CD200: variants seen among roughly 807,000 people sequenced by gnomAD.
CD200 encodes OX-2 membrane glycoprotein.
A neutral mutation model predicts 30.9 loss-of-function variants in CD200; 15 were observed. The observed-to-expected ratio is 0.49, with a 90% CI of 0.32 to 0.75. CD200 has a LOEUF of 0.75. Among genes scored for constraint, CD200 ranks in the 30% least tolerant of loss-of-function variants. CD200 has a pLI of 0.03. For missense variants in CD200, 262 were observed against 324.2 expected (o/e 0.81, Z 1.47); for synonymous variants, 134 against 126.2 (o/e 1.06, Z -0.41).
At chr3:112,336,992 A>T (rs10511311) in intron 1 of CD200, among the ~76,000 whole-genome samples, 42,335 of 151,718 alleles carry the variant, frequency 0.28, 6,734 homozygotes, top group Non-Finnish European at 0.37. Flanking sequence ...TAGTGCTATA[A>T]TTTTTTTCAC....
intron 5 of CD200, among the ~76,000 whole-genome samples, chr3:112,356,351 T>C (rs1255033665): frequency 3.4e-5 from 1 of 29,188 alleles, no homozygotes; most frequent in Non-Finnish European, 7.9e-5. Context: ...GAATTTTTGT[T>C]TTTATTTTTT....
intron 2 of CD200, among the ~76,000 whole-genome samples, chr3:112,342,066 C>A (rs72952406): frequency 1.2e-3 from 175 of 151,996 alleles, no homozygotes; most frequent in African/African-American, 4.1e-3. Flanking sequence ...AACATTTTAT[C>A]CAGATTATCA....
At chr3:112,342,329 CTTTCTTTCCTTCTTTCTTTCTTTCT>C (rs2081266833) in intron 2 of CD200, among the ~76,000 whole-genome samples, 2 of 26,462 alleles carry the variant, frequency 7.6e-5, no homozygotes, top group African/African-American at 3.1e-4. Flanking sequence ...TTCTTTCTTT[CTTTCTTTCCTTCTTTCTTTCTTTCT>C]TTCTTTCTTT....
chr3:112,360,955 G>T (rs547530171), intron 5 of CD200, among the ~76,000 whole-genome samples: 1 of 152,160 alleles, frequency 6.6e-6, no homozygotes, highest in African/African-American at 2.4e-5. Context: ...GTAGTCTTAG[G>T]TGATTTTCTA....
chr3:112,343,830 T>G (rs894080013), intron 2 of CD200, among the ~76,000 whole-genome samples: 1 of 152,336 alleles, frequency 6.6e-6, no homozygotes, highest in East Asian at 1.9e-4. Flanking sequence ...ACTTTTTCCC[T>G]TCTTACAGTG....
chr3:112,361,184 A>G (rs553849585), intron 5 of CD200, among the ~76,000 whole-genome samples: 1 of 150,996 alleles, frequency 6.6e-6, no homozygotes, highest in South Asian at 2.1e-4. Flanking sequence ...CTACAGGTGC[A>G]TGCCACCATG....
At chr3:112,334,529 T>G (rs1464643442) in intron 1 of CD200, among the ~76,000 whole-genome samples, 1 of 152,252 alleles carries the variant, frequency 6.6e-6, no homozygotes, top group Non-Finnish European at 1.5e-5. Context: ...TAGTGCTTAT[T>G]TCTACTGGCA....
chr3:112,353,381 A>C (rs938952748), intron 5 of CD200, among the ~76,000 whole-genome samples: 5 of 152,112 alleles, frequency 3.3e-5, no homozygotes, highest in Non-Finnish European at 7.4e-5. Context: ...AATCATGTAA[A>C]ATTTATATGC....
intron 2 of CD200, 56 bp downstream of exon 2, chr3:112,341,039 A>C (rs561280493): frequency 9.0e-7 from 1 of 1,115,624 alleles, no homozygotes; most frequent in African/African-American, 1.5e-5. Flanking sequence ...TCTGGGGTGA[A>C]GACATTTAGC....
chr3:112,355,874 T>C (rs143005072), intron 5 of CD200, among the ~76,000 whole-genome samples: 1 of 150,064 alleles, frequency 6.7e-6, no homozygotes, highest in African/African-American at 2.5e-5. Flanking sequence ...CAGAAAAAAA[T>C]TAAGAAATAA....
At chr3:112,356,302 A>G (rs993782394) in intron 5 of CD200, among the ~76,000 whole-genome samples, 8 of 152,232 alleles carry the variant, frequency 5.3e-5, no homozygotes, top group Admixed American at 3.9e-4. Flanking sequence ...TTATGTACAC[A>G]ATTGTCTTTT....
At chr3:112,345,634 C>G (rs1273569988) in intron 3 of CD200, among the ~76,000 whole-genome samples, 1 of 152,198 alleles carries the variant, frequency 6.6e-6, no homozygotes, top group African/African-American at 2.4e-5. Context: ...ATCCACTCTC[C>G]ACTGGAGTTT....
At position 112,333,223 on chromosome 3, in the gene CD200, T is replaced by C; in HGVS notation, c.11T>C (p.Leu4Pro). Residue 4 changes from leucine (L) to proline (P), a missense_variant and splice_region_variant, in exon 1 of 6, where the codon CTG (leucine) becomes CCG (proline). Transcript: ENST00000315711. MER[L>P]VIRMPFSHLS... is the part of the protein sequence containing the mutation. ...CCTCCAGGAGCAAGGATGGAGAGGCTGGTGAGCGGGGCCGGGGCTTGGGAA... is the reference window on the plus strand; with the variant it reads ...CCTCCAGGAGCAAGGATGGAGAGGCCGGTGAGCGGGGCCGGGGCTTGGGAA... 18 of 1,550,036 alleles carry C rather than the reference T, an allele frequency of 1.2e-5. No individual in the cohort carries two copies. Among genetic ancestry groups the C allele is most frequent in the Non-Finnish European group, 1.6e-5 (18 of 1,146,508 alleles).
At chr3:112,332,912 A>G (rs535993403), upstream of CD200, 322 of 259,380 alleles carry the variant, frequency 1.2e-3, 2 homozygotes, top group East Asian at 0.012. Flanking sequence ...AGGAAAATGG[A>G]AAAAAAAAAA....
intron 1 of CD200, among the ~76,000 whole-genome samples, chr3:112,338,196 G>A (rs2081161723): frequency 6.6e-6 from 1 of 151,990 alleles, no homozygotes; most frequent in Admixed American, 6.6e-5. Flanking sequence ...ACTTCACATG[G>A]GTACCAAGGA....
rs1131199 is a variant in CD200 at position 112,340,921 on chromosome 3, C to G, written c.32C>G (p.Ser11Cys). MERLVIRMPF[S>C]HLSTYSLVWV... ...CTTCAGGTGATCAGGATGCCCTTCT[C>G]TCATCTGTCTACCTACAGCCTGGTT... is the stretch of plus-strand genomic sequence containing the variant. The change falls in exon 2 of 6, where the codon TCT becomes TGT. Residue 11 changes from serine (S) to cysteine (C), a missense_variant. Physicochemically the swap from Ser to Cys is moderately radical, Grantham distance 112. Transcript: ENST00000315711. 0.56 allele frequency: 896,460 copies of G among 1,601,612 alleles called. 255,740 individuals are homozygous for G. Among genetic ancestry groups the G allele is most frequent in the African/African-American group, 0.76 (56,669 of 74,688 alleles).
intron 1 of CD200, 69 bp downstream of exon 1, chr3:112,333,293 G>A: frequency 6.6e-7 from 1 of 1,512,960 alleles, no homozygotes; most frequent in Non-Finnish European, 8.9e-7. Flanking sequence ...CCCTGGGGCG[G>A]GCGGCGAGTG....
chr3:112,360,348 G>A (rs1379066619), intron 5 of CD200, among the ~76,000 whole-genome samples: 10 of 141,290 alleles, frequency 7.1e-5, no homozygotes, highest in Non-Finnish European at 1.1e-4. Flanking sequence ...ATATATATAT[G>A]TATATATTTT....
At chr3:112,348,565 C>T (rs2081457654) in intron 4 of CD200, among the ~76,000 whole-genome samples, 2 of 152,162 alleles carry the variant, frequency 1.3e-5, no homozygotes, top group Non-Finnish European at 2.9e-5. Context: ...ATAATAGCCA[C>T]GTCTTTTCTC....
Sources: gnomAD v4.1 joint callset for allele counts (sites outside exome capture counted in the v4.1 genomes callset) on GRCh38, gnomAD v4.1.1 for gene constraint, MANE v1.5 for transcripts, NCBI Gene and HGNC (gene_info 2026-07-23, HGNC 2026-07-21) for gene names.